MPP3: variants seen among roughly 807,000 people sequenced by gnomAD.
MPP3 encodes MAGUK p55 subfamily member 3.
In MPP3, 48 loss-of-function variants were observed where a neutral mutation model predicts 80.7. That is an observed-to-expected ratio of 0.59 (90% CI 0.47 to 0.76). The LOEUF is 0.76. Ranked by LOEUF, MPP3 falls within the 30% of genes least tolerant of loss-of-function variation. MPP3 has a pLI of 0.00. For synonymous variants in MPP3, 311 were observed against 297.6 expected, an observed-to-expected ratio of 1.04 and a Z score of -0.46; for missense variants, 620 against 763.0, an observed-to-expected ratio of 0.81 and a Z score of 2.21.
chr17:43,807,310 T>A (rs1183968055), intron 19 of MPP3, among the ~76,000 whole-genome samples: 1 of 151,286 alleles, frequency 6.6e-6, no homozygotes, highest in Admixed American at 6.6e-5. Context: ...TTTTTCTTTT[T>A]TCTACATTTT....
At chr17:43,823,827 G>C (rs930066505) in intron 10 of MPP3, 104 bp downstream of exon 10, 46 of 791,432 alleles carry the variant, frequency 5.8e-5, no homozygotes, top group Non-Finnish European at 6.4e-6. Context: ...TCTATGATCT[G>C]TTCGCAAATG....
chr17:43,805,087 G>A (rs2044561982), intron 19 of MPP3, among the ~76,000 whole-genome samples: 1 of 151,946 alleles, frequency 6.6e-6, no homozygotes, highest in African/African-American at 2.4e-5. Context: ...ATCTGACAAG[G>A]GACTTGTATC....
chr17:43,813,368 C>T (rs1361941003), intron 16 of MPP3, among the ~76,000 whole-genome samples: 1 of 152,122 alleles, frequency 6.6e-6, no homozygotes, highest in Non-Finnish European at 1.5e-5. Context: ...GGAGGGCTGA[C>T]GCAGGGCACT....
Position 43,823,974 on chromosome 17 carries a change from AT to A in MPP3, c.640del (p.Ile214SerfsTer11). 1 of 1,608,402 alleles carries A rather than the reference AT, an allele frequency of 6.2e-7. No individual in the cohort carries two copies. Among genetic ancestry groups the A allele is most frequent in the South Asian group, 1.1e-5 (1 of 89,916 alleles). On this transcript the variant is annotated frameshift_variant, in exon 10 of 20. Coordinates refer to ENST00000398389, the MANE Select transcript of MPP3 (RefSeq NM_001932.6). LOFTEE classifies it high-confidence loss of function. Reference protein sequence around the residue: ...AQSQGSITLKIIPATQEEDRL... With the variant: ...AQSQGSITLKXIPATQEEDRL... ...ATCTTCCTCCTGGGTGGCTGGGATG[AT>A]TTTTAGGGTGATGGATCCCTGGGAC...
intron 4 of MPP3, 57 bp downstream of exon 4, chr17:43,831,502 C>T (rs1406612397): frequency 7.0e-7 from 1 of 1,432,396 alleles, no homozygotes; most frequent in Non-Finnish European, 9.8e-7. Flanking sequence ...CAGACGGCCA[C>T]AGACAGCTAG....
rs774634868 is a variant in MPP3 at position 43,801,766 on chromosome 17, G to A, written c.1693C>T (p.Leu565Phe). The A allele has an allele frequency of 1.2e-6, 2 of 1,614,038 alleles. No homozygotes were observed. Among genetic ancestry groups the A allele is most frequent in the East Asian group, 2.2e-5 (1 of 44,890 alleles). ...KEDLQGAYSQ[L>F]KVVLEKLSKD... ...CTCAGCTTCTCTAAGACCACTTTGA[G>A]CTGGCTGTAGGCACCCTGGAGATCC... Residue 565 changes from leucine (L) to phenylalanine (F), a missense_variant, in exon 20 of 20, where the codon CTC becomes TTC. Coordinates refer to ENST00000398389, the MANE Select transcript of MPP3 (RefSeq NM_001932.6).
intron 2 of MPP3, 94 bp from the exon 3 acceptor site, chr17:43,832,037 G>A: frequency 1.3e-6 from 1 of 799,682 alleles, no homozygotes; most frequent in Non-Finnish European, 2.1e-6. Flanking sequence ...CTGAGACCAG[G>A]CTGTGGACAG....
chr17:43,806,959 C>T (rs544928491), intron 19 of MPP3, among the ~76,000 whole-genome samples: 2 of 151,992 alleles, frequency 1.3e-5, no homozygotes, highest in African/African-American at 4.8e-5. Flanking sequence ...TTCCCCTATT[C>T]CCCTTAGAGT....
intron 16 of MPP3, among the ~76,000 whole-genome samples, chr17:43,812,699 G>A (rs1039483848): frequency 6.6e-6 from 1 of 152,230 alleles, no homozygotes; most frequent in Non-Finnish European, 1.5e-5. Flanking sequence ...TCTGTGGAGT[G>A]CCTAGAAGCA....
chr17:43,818,008 G>C (rs781424241), intron 12 of MPP3, 38 bp downstream of exon 12: 10 of 1,534,494 alleles, frequency 6.5e-6, no homozygotes, highest in Non-Finnish European at 8.8e-6. Flanking sequence ...CCTAACCCCG[G>C]GCCCTCCCTG....
At chr17:43,823,825 C>A (rs2143032424) in intron 10 of MPP3, 106 bp downstream of exon 10, 2 of 762,550 alleles carry the variant, frequency 2.6e-6, no homozygotes, top group East Asian at 2.8e-5. Context: ...GATCTATGAT[C>A]TGTTCGCAAA....
intron 16 of MPP3, among the ~76,000 whole-genome samples, chr17:43,813,037 TGAG>T (rs913122160): frequency 6.6e-6 from 1 of 152,120 alleles, no homozygotes; most frequent in Admixed American, 6.6e-5. Context: ...CAGAACACTC[TGAG>T]GAGGCCCCAT....
intron 18 of MPP3, 98 bp from the exon 19 acceptor site, chr17:43,809,176 C>T: frequency 7.8e-7 from 1 of 1,279,718 alleles, no homozygotes; most frequent in Non-Finnish European, 1.1e-6. Context: ...AATACCATAA[C>T]CTCAACAGCA....
chr17:43,802,552 T>G (rs1028690163), intron 19 of MPP3, among the ~76,000 whole-genome samples: 1 of 152,198 alleles, frequency 6.6e-6, no homozygotes, highest in Non-Finnish European at 1.5e-5. Context: ...CACTTAACAT[T>G]AAGGTATAGG....
chr17:43,802,839 A>T (rs1396283060), intron 19 of MPP3, among the ~76,000 whole-genome samples: 1 of 152,112 alleles, frequency 6.6e-6, no homozygotes, highest in Non-Finnish European at 1.5e-5. Flanking sequence ...GTTCTCTCCC[A>T]AAGAGACCTA....
At chr17:43,814,396 T>C (rs191949363) in intron 14 of MPP3, 35 bp from the exon 15 acceptor site, 43 of 1,555,394 alleles carry the variant, frequency 2.8e-5, no homozygotes, top group Admixed American at 3.6e-5. Context: ...CCATGGCATT[T>C]GTCCCAGTTG....
Position 43,818,048 on chromosome 17 carries a change from G to A in MPP3, c.944C>T (p.Pro315Leu). The A allele has an allele frequency of 2.5e-6, 4 of 1,583,206 alleles. No individual in the cohort carries two copies. The highest frequency in any genetic ancestry group is 1.8e-5 in the Admixed American group (1 of 56,556). Residue 315 changes from proline to leucine, a missense_variant and splice_region_variant, in exon 12 of 20, where the codon CCC becomes CTC. Transcript: ENST00000398389. ...LPSPQSLRKPPYDQPCDKETC... is the reference protein window; with the variant it reads ...LPSPQSLRKPLYDQPCDKETC... ...GCCATCCCTGACAATCTACTCACAGGGGGGCTTCCTGAGGCTCTGGGGGCT... is the reference window on the plus strand; with the variant it reads ...GCCATCCCTGACAATCTACTCACAGAGGGGCTTCCTGAGGCTCTGGGGGCT...
Position 43,802,656 on chromosome 17 carries a change from A to G in MPP3, c.1582-779T>C, listed in dbSNP as rs924040671. Among the ~76,000 whole-genome samples the G allele has an allele frequency of 2.0e-5, 3 of 152,228 alleles. No homozygotes were observed. The East Asian group carries it at 5.8e-4, about 29-fold the overall frequency. On this transcript the variant is annotated intron_variant, in intron 19 of 19. Coordinates refer to ENST00000398389, the MANE Select transcript of MPP3 (RefSeq NM_001932.6). The stretch of plus-strand genomic sequence containing the variant: ...TATTTCAAGTGAGTAGTTGTCTGAC[A>G]ATTAGCCTGGTTTTGGAAAACAGGA...
At chr17:43,810,026 A>C (rs948601174) in intron 18 of MPP3, among the ~76,000 whole-genome samples, 2 of 152,222 alleles carry the variant, frequency 1.3e-5, no homozygotes, top group African/African-American at 2.4e-5. Flanking sequence ...TTTTCAAAGA[A>C]AATTTTGAAA....
Sources: gnomAD v4.1 joint callset for allele counts (sites outside exome capture counted in the v4.1 genomes callset) on GRCh38, gnomAD v4.1.1 for gene constraint, MANE v1.5 for transcripts, NCBI Gene and HGNC (gene_info 2026-07-23, HGNC 2026-07-21) for gene names.